The following CSMD2 variants were observed in gnomAD, a reference collection of about 807,000 sequenced individuals.
The protein encoded by CSMD2 is CUB and sushi domain-containing protein 2.
Under a neutral mutation model 398.5 loss-of-function variants are expected in CSMD2, and 130 were observed. The ratio of observed to expected loss-of-function variants is 0.33; its 90% confidence interval spans 0.28 to 0.38. The LOEUF (loss-of-function observed/expected upper bound fraction) is 0.38, where lower values mean the gene tolerates loss of function less well. Ranked by LOEUF, CSMD2 falls within the 10% of genes least tolerant of loss-of-function variation. The pLI is 1.00. For synonymous variants in CSMD2, 1,828 were observed against 1,908.5 expected, an observed-to-expected ratio of 0.96 and a Z score of 1.10; for missense variants, 3,829 against 4,764.9, an observed-to-expected ratio of 0.80 and a Z score of 5.78.
chr1:34,065,512 C>T (rs1364725414), intron 2 of CSMD2, among the ~76,000 whole-genome samples: 2 of 152,178 alleles, frequency 1.3e-5, no homozygotes, highest in Non-Finnish European at 2.9e-5. Flanking sequence ...GCCGGCTGCA[C>T]AGTGCACAGA....
chr1:33,687,450 T>C (rs1463903310), intron 25 of CSMD2, among the ~76,000 whole-genome samples: 1 of 152,068 alleles, frequency 6.6e-6, no homozygotes. Context: ...GAGAACTGAA[T>C]TAATGAAAAC....
intron 12 of CSMD2, among the ~76,000 whole-genome samples, chr1:33,780,698 GGGGCTAGAACA>G (rs1377470391): frequency 1.3e-5 from 2 of 152,244 alleles, no homozygotes; most frequent in Non-Finnish European, 1.5e-5. Context: ...CCAGCCTCCA[GGGGCTAGAACA>G]GGCTGGATCC....
intron 5 of CSMD2, among the ~76,000 whole-genome samples, chr1:33,881,957 A>G (rs532654824): frequency 6.6e-6 from 1 of 152,294 alleles, no homozygotes; most frequent in Non-Finnish European, 1.5e-5. Flanking sequence ...AACCATTAAT[A>G]TTGGACATAT....
rs1639501550 is a variant in CSMD2, at chr1:33,592,125, C to T, written c.6857-4957G>A. 8.9e-6 allele frequency: 4 copies of T among 451,496 alleles called. No individual in the cohort carries two copies. The Admixed American group carries it at 1.1e-4, about 12-fold the overall frequency. 28.0% of individuals were successfully genotyped at this position (451,496 alleles called of 1,614,324 possible). On this transcript the variant is annotated intron_variant, in intron 44 of 70. Transcript: ENST00000373381. ...AAAGCCTCTCAGAGAAGAGAGAACCCAAGGGTGGGTTTGCAGCCAGACTTC... is the reference window on the plus strand; with the variant it reads ...AAAGCCTCTCAGAGAAGAGAGAACCTAAGGGTGGGTTTGCAGCCAGACTTC...
intron 3 of CSMD2, among the ~76,000 whole-genome samples, chr1:33,943,388 G>A (rs756153713): frequency 2.0e-5 from 3 of 151,922 alleles, no homozygotes; most frequent in African/African-American, 7.3e-5. Flanking sequence ...CACCTCCTCC[G>A]TAAAGCCCTC....
chr1:33,528,945 G>C (rs907730586), intron 64 of CSMD2, among the ~76,000 whole-genome samples: 1 of 152,068 alleles, frequency 6.6e-6, no homozygotes, highest in African/African-American at 2.4e-5. Flanking sequence ...TGTTCAGATG[G>C]CAATACTCCC....
intron 13 of CSMD2, among the ~76,000 whole-genome samples, chr1:33,748,632 G>A (rs185211459): frequency 6.0e-4 from 91 of 152,088 alleles, no homozygotes; most frequent in African/African-American, 2.1e-3. Flanking sequence ...CCTTTATAGA[G>A]ACCTAATACA....
upstream of CSMD2, chr1:34,165,598 A>AC (rs1641817825): frequency 1.4e-6 from 1 of 699,896 alleles, no homozygotes; most frequent in Non-Finnish European, 2.5e-6. Flanking sequence ...ACACACACAC[A>AC]AACACACACA....
chr1:34,077,507 C>T lies in CSMD2; in HGVS notation c.404+11470G>A, dbSNP rs186434560. Among the ~76,000 whole-genome samples the T allele has an allele frequency of 5.1e-3, 680 of 134,150 alleles. 9 individuals are homozygous for T. Among genetic ancestry groups the T allele is most frequent in the Middle Eastern group, 0.034 (7 of 206 alleles). 88.0% of individuals were successfully genotyped at this position (134,150 alleles called of 152,430 possible). A position where few individuals can be genotyped will look rare whatever the true frequency, so the allele number is the denominator to read the frequency against. On this transcript the variant is annotated intron_variant, in intron 2 of 70. Transcript: ENST00000373381. ...GTGAGGACACTTTGGGAGGCCGAGG[C>T]GGGCGAATCATGAGGTCAAGAGATC...
chr1:33,595,954 C>T (rs1172501382), intron 44 of CSMD2, among the ~76,000 whole-genome samples: 1 of 152,184 alleles, frequency 6.6e-6, no homozygotes, highest in African/African-American at 2.4e-5. Flanking sequence ...AAACATGCCC[C>T]ACTCACACAC....
rs1187911878 is a variant in CSMD2, at chr1:33,633,014, A to G, written c.5200+408T>C. 1.3e-5 allele frequency among the ~76,000 whole-genome samples: 2 copies of G among 152,242 alleles called. No individual in the cohort carries two copies. Among genetic ancestry groups the G allele is most frequent in the Non-Finnish European group, 2.9e-5 (2 of 68,040 alleles). ...ATATGTAAACGTCGAAGTAGATACA[A>G]AGACTGGAAGGAAATCCACTACATC... is the stretch of plus-strand genomic sequence containing the variant. On this transcript the variant is annotated intron_variant, in intron 32 of 70. Coordinates refer to ENST00000373381, the MANE Select transcript of CSMD2 (RefSeq NM_001281956.2). The surrounding 1 kb of genome is among the most constrained non-coding windows in gnomAD (Gnocchi z 5.0).
At chr1:33,588,053 T>C (rs528248040) in intron 44 of CSMD2, among the ~76,000 whole-genome samples, 43 of 152,336 alleles carry the variant, frequency 2.8e-4, no homozygotes, top group African/African-American at 1.0e-3. Context: ...AACTTATCCA[T>C]TGCCCTCTCA....
intron 1 of CSMD2, among the ~76,000 whole-genome samples, chr1:34,095,601 G>A (rs201983866): frequency 0.013 from 1,885 of 150,742 alleles, 21 homozygotes; most frequent in East Asian, 0.038. Flanking sequence ...CCACAGAAAT[G>A]CAAACTACCA....
At chr1:33,857,788 T>G (rs962299659) in intron 5 of CSMD2, among the ~76,000 whole-genome samples, 5 of 152,082 alleles carry the variant, frequency 3.3e-5, no homozygotes, top group African/African-American at 1.2e-4. Flanking sequence ...AGAAGGAATG[T>G]GCTCAAAAGA....
chr1:33,948,919 T>C (rs1420636906), intron 3 of CSMD2, among the ~76,000 whole-genome samples: 1 of 152,162 alleles, frequency 6.6e-6, no homozygotes, highest in African/African-American at 2.4e-5. Flanking sequence ...CAGGGCATCA[T>C]GGTCCAGAAA....
chr1:33,592,108 T>C (rs1184138150), intron 44 of CSMD2: 8 of 423,212 alleles, frequency 1.9e-5, no homozygotes, highest in Non-Finnish European at 3.5e-5. Context: ...AAAAAGCCTC[T>C]CAGAGAAGAG....
In CSMD2 at chr1:33,648,827, C is replaced by G. The variant is rs79504573; in HGVS notation, c.4587-1992G>C. Among the ~76,000 whole-genome samples, 793 of 152,238 alleles carry G rather than the reference C, an allele frequency of 5.2e-3. 6 individuals are homozygous for G. Among genetic ancestry groups the G allele is most frequent in the African/African-American group, 0.017 (703 of 41,542 alleles). On this transcript the variant is annotated intron_variant, in intron 28 of 70. Transcript: ENST00000373381. ...TCCACTTTACAGTCCTGATTTGGCTCCTTCTTATTGCTTTTTGTTTTCTAA... is the reference window on the plus strand; with the variant it reads ...TCCACTTTACAGTCCTGATTTGGCTGCTTCTTATTGCTTTTTGTTTTCTAA...
intron 1 of CSMD2, among the ~76,000 whole-genome samples, chr1:34,138,743 A>G (rs1301411658): frequency 6.6e-6 from 1 of 152,174 alleles, no homozygotes; most frequent in Non-Finnish European, 1.5e-5. Flanking sequence ...GTTTGTAACA[A>G]TTTACACCCC....
intron 2 of CSMD2, among the ~76,000 whole-genome samples, chr1:34,055,509 C>G (rs944676299): frequency 6.6e-6 from 1 of 152,084 alleles, no homozygotes; most frequent in Non-Finnish European, 1.5e-5. Flanking sequence ...TTCCCAGGAC[C>G]CCCTCCCCCA....
Sources: gnomAD v4.1 joint callset for allele counts (sites outside exome capture counted in the v4.1 genomes callset) on GRCh38, gnomAD v4.1.1 for gene constraint, Gnocchi (gnomAD v3.1) non-coding constraint, MANE v1.5 for transcripts, NCBI Gene and HGNC (gene_info 2026-07-23, HGNC 2026-07-21) for gene names.